Variants in DENND6A observed in about 807,000 individuals in gnomAD.
DENND6A encodes the protein protein DENND6A.
Under a neutral mutation model 95.5 loss-of-function variants are expected in DENND6A, and 43 were observed. The ratio of observed to expected loss-of-function variants is 0.45; its 90% CI spans 0.35 to 0.58. DENND6A has a LOEUF of 0.58. Among genes scored for constraint, DENND6A ranks in the 20% least tolerant of loss-of-function variants. The probability of loss-of-function intolerance (pLI) is 0.00; values close to 1 mark genes in which losing one functional copy is unlikely to be tolerated. For missense variants in DENND6A, 574 were observed against 736.0 expected (o/e 0.78, Z 2.55); for synonymous variants, 257 against 260.4 (o/e 0.99, Z 0.13).
intron 1 of DENND6A, among the ~76,000 whole-genome samples, chr3:57,678,415 C>G (rs762490645): frequency 7.9e-5 from 12 of 152,236 alleles, no homozygotes; most frequent in Admixed American, 3.9e-4. Flanking sequence ...ACAAAGAGAA[C>G]AAAAATAGTT....
intron 9 of DENND6A, among the ~76,000 whole-genome samples, chr3:57,647,727 A>G (rs2071108692): frequency 6.6e-6 from 1 of 152,054 alleles, no homozygotes; most frequent in African/African-American, 2.4e-5. Context: ...CAGGGTAAGG[A>G]GAGCACTCAT....
intron 1 of DENND6A, among the ~76,000 whole-genome samples, chr3:57,677,457 C>T (rs1217565060): frequency 9.0e-6 from 1 of 110,916 alleles, no homozygotes; most frequent in Non-Finnish European, 1.7e-5. Context: ...GACAGAGTCT[C>T]CAGAGTCTCA....
At chr3:57,633,131 G>C in intron 15 of DENND6A, 134 bp downstream of exon 15, 1 of 733,238 alleles carries the variant, frequency 1.4e-6, no homozygotes, top group Non-Finnish European at 2.2e-6. Context: ...TTGCAAAGGG[G>C]TTTATTTTTA....
intron 1 of DENND6A, among the ~76,000 whole-genome samples, chr3:57,689,086 C>G (rs2077237605): frequency 6.6e-6 from 1 of 152,038 alleles, no homozygotes; most frequent in Non-Finnish European, 1.5e-5. Flanking sequence ...TCCCGAGTAG[C>G]TGGGACTACA....
chr3:57,666,278 T>A (rs1482063553), intron 3 of DENND6A, 43 bp from the exon 4 acceptor site: 1 of 1,450,280 alleles, frequency 6.9e-7, no homozygotes, highest in Admixed American at 1.8e-5. Flanking sequence ...TAGCTTAGTA[T>A]AACATTTATC....
rs1415437126 is a variant in DENND6A, at chr3:57,664,657, T to A, written c.433-941A>T. On this transcript the variant is annotated intron_variant, in intron 4 of 19. Coordinates refer to ENST00000311128, the MANE Select transcript of DENND6A (RefSeq NM_152678.3). ...AGACCATCCTGGCCAACATGGTGAA[T>A]CCCTGTCTCTACTAAAAATACAAAA... Among the ~76,000 whole-genome samples the A allele has an allele frequency of 5.3e-5, 8 of 151,978 alleles. No individual in the cohort carries two copies. The East Asian group carries it at 7.8e-4, about 15-fold the overall frequency.
chr3:57,638,433 G>A (rs2070847582), intron 12 of DENND6A, among the ~76,000 whole-genome samples: 2 of 151,936 alleles, frequency 1.3e-5, no homozygotes, highest in African/African-American at 4.8e-5. Flanking sequence ...CAAGGCGGGT[G>A]GATCACCTGA....
intron 11 of DENND6A, among the ~76,000 whole-genome samples, chr3:57,643,115 C>T (rs1250963507): frequency 6.6e-6 from 1 of 151,474 alleles, no homozygotes; most frequent in Non-Finnish European, 1.5e-5. Flanking sequence ...ACATGAGAGG[C>T]AGTAAGACTG....
chr3:57,656,388 T>C (rs557576539), intron 9 of DENND6A, among the ~76,000 whole-genome samples: 7 of 152,330 alleles, frequency 4.6e-5, no homozygotes, highest in Non-Finnish European at 8.8e-5. Flanking sequence ...TAGTATTCCA[T>C]GTGCATTCAT....
chr3:57,642,661 AC>A (rs2070972494), intron 11 of DENND6A, among the ~76,000 whole-genome samples: 1 of 152,132 alleles, frequency 6.6e-6, no homozygotes, highest in African/African-American at 2.4e-5. Context: ...AAGGGAAACT[AC>A]CAGATAACCA....
At position 57,660,831 on chromosome 3, in the gene DENND6A, C is replaced by T. The variant is rs1194863972; in HGVS notation, c.628G>A (p.Asp210Asn). 1.3e-6 allele frequency: 2 copies of T among 1,594,932 alleles called. No individual in the cohort carries two copies. The highest frequency in any genetic ancestry group is 1.4e-5 in the African/African-American group (1 of 73,818). ...NEPYLEAACN[D>N]VDRWPAPVPG... ...ACTGGGGCAGGCCATCGATCAACAT[C>T]ATTACAAGCTGAAAAATATAATAAA... The change falls in exon 7 of 20, where the codon GAT becomes AAT. Residue 210 changes from aspartate (D) to asparagine (N), a missense_variant. Around this residue, in one of 2 missense-constraint regions of DENND6A, gnomAD observed 452 missense variants for 630.9 expected, o/e 0.72. Coordinates refer to ENST00000311128, the MANE Select transcript of DENND6A (RefSeq NM_152678.3).
intron 1 of DENND6A, among the ~76,000 whole-genome samples, chr3:57,674,207 C>G (rs929540044): frequency 2.0e-5 from 3 of 152,020 alleles, no homozygotes; most frequent in Admixed American, 1.3e-4. Context: ...CCCGTCTCTA[C>G]TAAAAATACA....
At chr3:57,686,849 A>G (rs2077215869) in intron 1 of DENND6A, among the ~76,000 whole-genome samples, 1 of 152,196 alleles carries the variant, frequency 6.6e-6, no homozygotes, top group Non-Finnish European at 1.5e-5. Context: ...GAATAACTCT[A>G]TAATGGCCTC....
At chr3:57,678,930 C>G (rs1278646037) in intron 1 of DENND6A, among the ~76,000 whole-genome samples, 2 of 152,162 alleles carry the variant, frequency 1.3e-5, no homozygotes, top group Non-Finnish European at 2.9e-5. Flanking sequence ...ATGGCAAAAC[C>G]CTGTCTCTGC....
chr3:57,628,683 T>C (rs1430390771), intron 19 of DENND6A, 128 bp downstream of exon 19: 7 of 934,990 alleles, frequency 7.5e-6, no homozygotes, highest in Non-Finnish European at 1.1e-5. Flanking sequence ...CTACCATCAA[T>C]TGACCAATTT....
chr3:57,679,312 CTCA>C (rs2077139201), intron 1 of DENND6A, among the ~76,000 whole-genome samples: 1 of 152,218 alleles, frequency 6.6e-6, no homozygotes, highest in African/African-American at 2.4e-5. Flanking sequence ...CCCACCTGCC[CTCA>C]CAGAAGGCAA....
intron 15 of DENND6A, chr3:57,631,233 G>A: frequency 5.1e-6 from 2 of 388,870 alleles, no homozygotes; most frequent in Non-Finnish European, 9.3e-6. Context: ...GCCTTGTTCT[G>A]TTGCGCAGGC....
At chr3:57,652,417 C>T (rs1179225455) in intron 9 of DENND6A, among the ~76,000 whole-genome samples, 1 of 152,112 alleles carries the variant, frequency 6.6e-6, no homozygotes, top group Non-Finnish European at 1.5e-5. Context: ...CTCCAGACTC[C>T]TATGTCCAAC....
Position 57,630,976 on chromosome 3 carries a change from T to C in DENND6A, c.1356A>G (p.Glu452=), listed in dbSNP as rs1266886882. 6 of 1,612,206 alleles carry C rather than the reference T, an allele frequency of 3.7e-6. No homozygotes were observed. The South Asian group carries it at 5.5e-5, about 15-fold the overall frequency. The change falls in exon 16 of 20, where the codon GAA becomes GAG. Residue 452 remains glutamate (E), a splice_region_variant and synonymous_variant. Coordinates refer to ENST00000311128, the MANE Select transcript of DENND6A (RefSeq NM_152678.3). The part of the protein sequence containing the change: ...ELTQSFIIPL[E]RYVASLMPLQ... Reference sequence around the variant, plus strand: ...AAGGCATCAAGCTTGCCACATATCTTTCCTAAAACCAAGAAAAAAGTTAAT... The same window carrying C: ...AAGGCATCAAGCTTGCCACATATCTCTCCTAAAACCAAGAAAAAAGTTAAT...
Sources: gnomAD v4.1 joint callset for allele counts (sites outside exome capture counted in the v4.1 genomes callset) on GRCh38, gnomAD v4.1.1 for gene constraint, gnomAD v4.1.1 regional missense constraint, MANE v1.5 for transcripts, NCBI Gene and HGNC (gene_info 2026-07-23, HGNC 2026-07-21) for gene names.